The following SLC31A1 variants were observed in gnomAD, a reference collection of about 807,000 sequenced individuals.
SLC31A1 encodes high affinity copper uptake protein 1.
SLC31A1 carries 5 observed loss-of-function variants against 17.2 expected under a neutral mutation model. The ratio of observed to expected loss-of-function variants is 0.29; its 90% CI spans 0.15 to 0.61. SLC31A1 has a LOEUF of 0.61. Among genes scored for constraint, SLC31A1 ranks in the 20% least tolerant of loss-of-function variants. The pLI, the probability that SLC31A1 is intolerant of heterozygous loss-of-function variation, is 0.86. For synonymous variants in SLC31A1, 76 were observed against 78.8 expected, an observed-to-expected ratio of 0.96 and a Z score of 0.19; for missense variants, 161 against 241.4, an observed-to-expected ratio of 0.67 and a Z score of 2.21.
intron 3 of SLC31A1, 142 bp downstream of exon 3, chr9:113,257,327 C>T: frequency 3.8e-6 from 3 of 782,972 alleles, no homozygotes; most frequent in Admixed American, 3.8e-5. Flanking sequence ...TTCCTATTTC[C>T]TACCTAGAAG....
In SLC31A1 at chr9:113,245,756, C is replaced by T. The variant is rs28709847; in HGVS notation, c.-35-10358C>T. Among the ~76,000 whole-genome samples the T allele has an allele frequency of 4.6e-3, 697 of 151,864 alleles. 7 individuals are homozygous for T. Among genetic ancestry groups the T allele is most frequent in the African/African-American group, 0.016 (648 of 41,396 alleles). On this transcript the variant is annotated intron_variant, in intron 1 of 4. Coordinates refer to ENST00000374212, the MANE Select transcript of SLC31A1 (RefSeq NM_001859.4). ...GGTCGATTCTCCCACCTGAGCCTCT[C>T]AAGTAGTTGAGACTACGGGCACACA...
In SLC31A1 at chr9:113,248,365, A is replaced by G. The variant is rs535769866; in HGVS notation, c.-35-7749A>G. Among the ~76,000 whole-genome samples, 8 of 152,024 alleles carry G rather than the reference A, an allele frequency of 5.3e-5. No individual in the cohort carries two copies. The East Asian group carries it at 9.7e-4, about 18-fold the overall frequency. Reference sequence around the variant, plus strand: ...AACAAAAATCCAAGATTTCTGTGCTAGAAGGAAGAGCTCTTATGAACTATT... The same window carrying G: ...AACAAAAATCCAAGATTTCTGTGCTGGAAGGAAGAGCTCTTATGAACTATT... On this transcript the variant is annotated intron_variant, in intron 1 of 4. Coordinates refer to ENST00000374212, the MANE Select transcript of SLC31A1 (RefSeq NM_001859.4).
rs571816713 is a variant in SLC31A1 at position 113,258,217 on chromosome 9, G to T, written c.203-477G>T. On this transcript the variant is annotated intron_variant, in intron 3 of 4. Coordinates refer to ENST00000374212, the MANE Select transcript of SLC31A1 (RefSeq NM_001859.4). This position sits in a 1 kb window ranked among gnomAD's most constrained non-coding sequence, Gnocchi z 4.8. ...TGGAGCCATAAAATCAATTTGTTTT[G>T]GGAAGAAGGAGAGCATTTAGTTCAG... Among the ~76,000 whole-genome samples the T allele has an allele frequency of 1.6e-4, 24 of 152,276 alleles. No homozygotes were observed. Among genetic ancestry groups the T allele is most frequent in the Admixed American group, 6.5e-5 (1 of 15,280 alleles).
intron 1 of SLC31A1, among the ~76,000 whole-genome samples, chr9:113,231,611 G>A (rs1431611100): frequency 3.9e-5 from 6 of 151,922 alleles, no homozygotes; most frequent in Non-Finnish European, 8.8e-5. Context: ...TGCATTAGTG[G>A]TAGCTGTGGA....
At chr9:113,246,577 T>C (rs547974206) in intron 1 of SLC31A1, among the ~76,000 whole-genome samples, 2 of 151,708 alleles carry the variant, frequency 1.3e-5, no homozygotes, top group Admixed American at 1.3e-4. Flanking sequence ...GGTCTTGATC[T>C]TCTGACCTCG....
intron 1 of SLC31A1, among the ~76,000 whole-genome samples, chr9:113,233,687 C>G (rs915718093): frequency 2.0e-5 from 3 of 152,276 alleles, no homozygotes; most frequent in East Asian, 3.9e-4. Flanking sequence ...GTGGTCTGTG[C>G]AAATTTTATG....
chr9:113,255,359 A>T, intron 1 of SLC31A1, among the ~76,000 whole-genome samples: 1 of 152,206 alleles, frequency 6.6e-6, no homozygotes, highest in East Asian at 1.9e-4. Context: ...CAACCCAAAG[A>T]AGCTGCTTTC....
chr9:113,246,473 T>C (rs981837920), intron 1 of SLC31A1, among the ~76,000 whole-genome samples: 1 of 150,578 alleles, frequency 6.6e-6, no homozygotes, highest in Admixed American at 6.7e-5. Context: ...TGCCTCAGCC[T>C]CCTGAGTAGC....
chr9:113,256,634 G>A, intron 2 of SLC31A1: 1 of 261,912 alleles, frequency 3.8e-6, no homozygotes, highest in South Asian at 4.6e-5. Context: ...GGCCAAGGCA[G>A]GTGGATCACA....
intron 1 of SLC31A1, among the ~76,000 whole-genome samples, chr9:113,224,726 C>A (rs1034626925): frequency 6.6e-6 from 1 of 152,208 alleles, no homozygotes; most frequent in African/African-American, 2.4e-5. Context: ...ACGCACCCGG[C>A]CTTGTGTGCT....
chr9:113,253,255 A>C (rs970498188), intron 1 of SLC31A1, among the ~76,000 whole-genome samples: 2 of 152,068 alleles, frequency 1.3e-5, no homozygotes, highest in African/African-American at 4.8e-5. Context: ...GCGCCTGGCC[A>C]AGTCTTTTCA....
intron 1 of SLC31A1, among the ~76,000 whole-genome samples, chr9:113,237,277 G>A (rs1056967127): frequency 1.3e-5 from 2 of 152,198 alleles, no homozygotes; most frequent in Middle Eastern, 3.2e-3. Context: ...AACTGCTCTG[G>A]AGGGGGGTAA....
intron 1 of SLC31A1, among the ~76,000 whole-genome samples, chr9:113,245,781 A>G (rs1410383799): frequency 6.6e-6 from 1 of 151,782 alleles, no homozygotes; most frequent in Non-Finnish European, 1.5e-5. Flanking sequence ...ACGGGCACAC[A>G]TCACCACACC....
intron 1 of SLC31A1, among the ~76,000 whole-genome samples, chr9:113,253,198 G>T (rs1026631690): frequency 2.6e-5 from 4 of 151,956 alleles, no homozygotes; most frequent in Non-Finnish European, 5.9e-5. Flanking sequence ...CTCGTGATCC[G>T]CCTGCCTCGG....
intron 1 of SLC31A1, among the ~76,000 whole-genome samples, chr9:113,232,677 A>T (rs572729362): frequency 0.022 from 1,305 of 59,568 alleles, 17 homozygotes; most frequent in Non-Finnish European, 0.027. Flanking sequence ...ACTAAAAATT[A>T]AAAAAAAAAA....
chr9:113,259,213 G>T (rs1831760466), intron 4 of SLC31A1, among the ~76,000 whole-genome samples: 1 of 152,180 alleles, frequency 6.6e-6, no homozygotes, highest in Non-Finnish European at 1.5e-5. Flanking sequence ...ATTCTATAAA[G>T]TTACACCTAG....
chr9:113,242,317 C>A (rs1295677695), intron 1 of SLC31A1, among the ~76,000 whole-genome samples: 1 of 152,160 alleles, frequency 6.6e-6, no homozygotes. Context: ...GATGTGTTTC[C>A]TAGGAGTGCT....
intron 1 of SLC31A1, among the ~76,000 whole-genome samples, chr9:113,241,239 C>G (rs1303936324): frequency 6.6e-6 from 1 of 152,058 alleles, no homozygotes; most frequent in Non-Finnish European, 1.5e-5. Context: ...ACTTAGGTTT[C>G]TTTTTGCAGG....
chr9:113,238,321 C>T (rs1831485588), intron 1 of SLC31A1, among the ~76,000 whole-genome samples: 1 of 152,192 alleles, frequency 6.6e-6, no homozygotes, highest in African/African-American at 2.4e-5. Flanking sequence ...AAAGAATTAT[C>T]CAGTCCAAAA....
Sources: gnomAD v4.1 joint callset for allele counts (sites outside exome capture counted in the v4.1 genomes callset) on GRCh38, gnomAD v4.1.1 for gene constraint, Gnocchi (gnomAD v3.1) non-coding constraint, MANE v1.5 for transcripts, NCBI Gene and HGNC (gene_info 2026-07-23, HGNC 2026-07-21) for gene names.